Variants in ARHGAP24 observed in about 807,000 individuals in gnomAD.
The protein encoded by ARHGAP24 is Rho GTPase activating protein 24, also known as rho GTPase-activating protein 24.
Under a neutral mutation model 76.4 loss-of-function variants are expected in ARHGAP24, and 50 were observed. That is an observed-to-expected ratio of 0.65 (90% confidence interval 0.52 to 0.83). ARHGAP24 has a LOEUF of 0.83. Ranked by LOEUF, ARHGAP24 falls within the 40% of genes least tolerant of loss-of-function variation. ARHGAP24 has a pLI of 0.00. For missense variants in ARHGAP24, 930 were observed against 914.2 expected (o/e 1.02, Z -0.22); for synonymous variants, 345 against 323.3 (o/e 1.07, Z -0.72).
intron 1 of ARHGAP24, among the ~76,000 whole-genome samples, chr4:85,489,842 G>A (rs115854002): frequency 6.2e-4 from 94 of 152,238 alleles, no homozygotes; most frequent in Admixed American, 1.3e-3. Context: ...TACTTGTTTA[G>A]CAAGTAACAC....
chr4:85,579,111 T>C (rs553712653), intron 2 of ARHGAP24, among the ~76,000 whole-genome samples: 1 of 152,322 alleles, frequency 6.6e-6, no homozygotes, highest in Non-Finnish European at 1.5e-5. Context: ...TGAAGAATTC[T>C]CTTTGCAAAA....
chr4:85,955,394 A>G (rs187095521), intron 5 of ARHGAP24, among the ~76,000 whole-genome samples: 131 of 152,300 alleles, frequency 8.6e-4, no homozygotes, highest in Admixed American at 1.5e-3. Context: ...AAACAAAACA[A>G]AACAAAAACT....
chr4:85,911,240 T>C (rs966669083), intron 3 of ARHGAP24, among the ~76,000 whole-genome samples: 7 of 152,262 alleles, frequency 4.6e-5, no homozygotes, highest in South Asian at 4.1e-4. Context: ...CTAACTCGAA[T>C]GGGGTGGGGC....
intron 4 of ARHGAP24, among the ~76,000 whole-genome samples, chr4:85,941,040 A>G (rs1193215055): frequency 1.3e-5 from 2 of 152,168 alleles, no homozygotes; most frequent in Non-Finnish European, 1.5e-5. Context: ...CCTAATTTCA[A>G]CATGCACCAC....
At chr4:85,605,336 T>A (rs1211883055) in intron 2 of ARHGAP24, among the ~76,000 whole-genome samples, 1 of 152,198 alleles carries the variant, frequency 6.6e-6, no homozygotes, top group Non-Finnish European at 1.5e-5. Context: ...TCTTTCCAGA[T>A]GGGAAGTCCA....
intron 2 of ARHGAP24, among the ~76,000 whole-genome samples, chr4:85,708,283 G>A (rs541841781): frequency 1.2e-4 from 19 of 152,224 alleles, no homozygotes; most frequent in African/African-American, 4.1e-4. Context: ...TACCAAATTA[G>A]TTACCAAACA....
chr4:85,743,525 A>C (rs951332052), intron 3 of ARHGAP24, among the ~76,000 whole-genome samples: 1 of 150,356 alleles, frequency 6.7e-6, no homozygotes, highest in Non-Finnish European at 1.5e-5. Context: ...CCATGATTGC[A>C]CCACTGTACT....
intron 3 of ARHGAP24, among the ~76,000 whole-genome samples, chr4:85,888,489 T>C (rs568745496): frequency 6.6e-6 from 1 of 152,164 alleles, no homozygotes; most frequent in Admixed American, 6.6e-5. Context: ...TAGCATTGAG[T>C]TCATTGCTCT....
At chr4:85,635,581 T>C (rs1447841392) in intron 2 of ARHGAP24, among the ~76,000 whole-genome samples, 2 of 151,932 alleles carry the variant, frequency 1.3e-5, no homozygotes, top group Non-Finnish European at 2.9e-5. Flanking sequence ...TTTTTGCATC[T>C]GAAAGAAACC....
chr4:85,739,479 T>C (rs1725736086), intron 3 of ARHGAP24, among the ~76,000 whole-genome samples: 2 of 152,212 alleles, frequency 1.3e-5, no homozygotes, highest in African/African-American at 4.8e-5. Flanking sequence ...CTGTTAGATT[T>C]CTGCACTTAA....
At chr4:85,518,514 C>T (rs1180657307) in intron 1 of ARHGAP24, among the ~76,000 whole-genome samples, 2 of 152,006 alleles carry the variant, frequency 1.3e-5, no homozygotes, top group African/African-American at 2.4e-5. Flanking sequence ...ATGCCCCACC[C>T]GCCTCCCATT....
At chr4:85,661,916 C>A (rs4361380) in intron 2 of ARHGAP24, among the ~76,000 whole-genome samples, 44,022 of 151,142 alleles carry the variant, frequency 0.29, 7,816 homozygotes, top group East Asian at 0.84. Flanking sequence ...CCAGTCTATC[C>A]TTATTGGACA....
At chr4:85,737,700 C>T (rs1226860282) in intron 3 of ARHGAP24, among the ~76,000 whole-genome samples, 1 of 152,110 alleles carries the variant, frequency 6.6e-6, no homozygotes, top group Non-Finnish European at 1.5e-5. Flanking sequence ...TGCAAATTCA[C>T]TCTTTCTTTC....
At chr4:85,853,542 C>T (rs1029086940) in intron 3 of ARHGAP24, among the ~76,000 whole-genome samples, 2 of 152,214 alleles carry the variant, frequency 1.3e-5, no homozygotes, top group African/African-American at 4.8e-5. Context: ...ATGCAGAAAT[C>T]ACCCATCTTC....
Position 85,955,909 on chromosome 4 carries a change from T to A in ARHGAP24, c.599+13636T>A, listed in dbSNP as rs145190516. The stretch of plus-strand genomic sequence containing the variant: ...TTCCTGCTGAATAGGGCCTGAAGTT[T>A]CAAGACAGCCTGAAAGATACACCCC... On this transcript the variant is annotated intron_variant, in intron 5 of 9. Transcript: ENST00000395184. Among the ~76,000 whole-genome samples the A allele has an allele frequency of 4.6e-4, 70 of 152,276 alleles. No homozygotes were observed. In the East Asian group the frequency reaches 0.011, roughly 25 times the overall value.
chr4:85,849,425 C>A (rs1339150548), intron 3 of ARHGAP24, among the ~76,000 whole-genome samples: 10 of 152,110 alleles, frequency 6.6e-5, no homozygotes, highest in African/African-American at 2.4e-4. Context: ...CTTTCCTAAT[C>A]GAATAGCCTT....
At chr4:85,758,654 G>C (rs991667349) in intron 3 of ARHGAP24, among the ~76,000 whole-genome samples, 2 of 152,228 alleles carry the variant, frequency 1.3e-5, no homozygotes, top group Non-Finnish European at 2.9e-5. Flanking sequence ...AGGAAGGCAA[G>C]TGGGAAGATG....
At chr4:85,761,171 C>T (rs1726719041) in intron 3 of ARHGAP24, among the ~76,000 whole-genome samples, 1 of 152,160 alleles carries the variant, frequency 6.6e-6, no homozygotes, top group Non-Finnish European at 1.5e-5. Context: ...TGCTTCAGAT[C>T]ACAAACACCT....
intron 2 of ARHGAP24, among the ~76,000 whole-genome samples, chr4:85,698,436 T>C (rs1250470966): frequency 1.3e-5 from 2 of 152,208 alleles, no homozygotes; most frequent in African/African-American, 4.8e-5. Flanking sequence ...TCTTTGAATG[T>C]TAAATGCCTC....
Sources: gnomAD v4.1 joint callset for allele counts (sites outside exome capture counted in the v4.1 genomes callset) on GRCh38, gnomAD v4.1.1 for gene constraint, MANE v1.5 for transcripts, NCBI Gene and HGNC (gene_info 2026-07-23, HGNC 2026-07-21) for gene names.